Variants in ZSWIM6 observed in about 807,000 individuals in gnomAD.
ZSWIM6 encodes zinc finger SWIM-type containing 6.
Under a neutral mutation model 113.2 loss-of-function variants are expected in ZSWIM6, and 9 were observed. The ratio of observed to expected loss-of-function variants is 0.08; its 90% CI spans 0.05 to 0.14. ZSWIM6 has a LOEUF of 0.14. Ranked by LOEUF, ZSWIM6 falls within the 10% of genes least tolerant of loss-of-function variation. The pLI, the probability that ZSWIM6 is intolerant of heterozygous loss-of-function variation, is 1.00. For missense variants in ZSWIM6, 1,162 were observed against 1,552.2 expected, an observed-to-expected ratio of 0.75 and a Z score of 4.22; for synonymous variants, 611 against 606.5, an observed-to-expected ratio of 1.01 and a Z score of -0.11.
intron 1 of ZSWIM6, among the ~76,000 whole-genome samples, chr5:61,458,917 C>T (rs1342270662): frequency 6.6e-6 from 1 of 151,372 alleles, no homozygotes; most frequent in Non-Finnish European, 1.5e-5. Context: ...GCCAAAGACT[C>T]GAGGTAAACA....
At chr5:61,407,152 A>T (rs550251344) in intron 1 of ZSWIM6, among the ~76,000 whole-genome samples, 1 of 152,214 alleles carries the variant, frequency 6.6e-6, no homozygotes, top group Admixed American at 6.5e-5. Flanking sequence ...TAAAATTAAC[A>T]CTGGTGTAAG....
rs1459362601 is a variant in ZSWIM6, at chr5:61,538,248, C to A, written c.2382-566C>A. ...GTAGAACATAGTCTAATGTCAAATT[C>A]CTGGAGTCATAAGAAACTAATTGTT... On this transcript the variant is annotated intron_variant, in intron 10 of 13. Transcript: ENST00000252744. Among the ~76,000 whole-genome samples, 6 of 152,138 alleles carry A rather than the reference C, an allele frequency of 3.9e-5. No individual in the cohort carries two copies. In the East Asian group the frequency reaches 9.6e-4, roughly 24 times the overall value.
intron 1 of ZSWIM6, among the ~76,000 whole-genome samples, chr5:61,407,217 T>C (rs2112109326): frequency 6.6e-6 from 1 of 152,278 alleles, no homozygotes; most frequent in African/African-American, 2.4e-5. Flanking sequence ...TTATTGAATA[T>C]GATAAAGGTA....
At chr5:61,386,267 T>C (rs919893342) in intron 1 of ZSWIM6, among the ~76,000 whole-genome samples, 6 of 152,310 alleles carry the variant, frequency 3.9e-5, no homozygotes, top group African/African-American at 1.4e-4. Context: ...CTCTTCCTGC[T>C]TCTGAGTTAT....
intron 1 of ZSWIM6, among the ~76,000 whole-genome samples, chr5:61,427,156 T>C (rs1297709853): frequency 1.3e-5 from 2 of 152,236 alleles, no homozygotes; most frequent in Non-Finnish European, 2.9e-5. Context: ...TTAAATAGCC[T>C]ACATTTTAAA....
intron 3 of ZSWIM6, 117 bp downstream of exon 3, chr5:61,491,051 A>G: frequency 3.8e-6 from 4 of 1,040,244 alleles, no homozygotes; most frequent in Non-Finnish European, 5.2e-6. Context: ...ACAGGGTCTT[A>G]GCTGACCAAT....
chr5:61,412,905 G>A (rs1579983109), intron 1 of ZSWIM6, among the ~76,000 whole-genome samples: 1 of 151,824 alleles, frequency 6.6e-6, no homozygotes, highest in African/African-American at 2.4e-5. Flanking sequence ...CAGACTTAAA[G>A]TCAGTTGCTG....
intron 1 of ZSWIM6, among the ~76,000 whole-genome samples, chr5:61,443,993 A>G (rs1746891919): frequency 6.6e-6 from 1 of 151,938 alleles, no homozygotes; most frequent in South Asian, 2.1e-4. Context: ...CGTGTGCACA[A>G]TGTGCAGGTT....
intron 1 of ZSWIM6, among the ~76,000 whole-genome samples, chr5:61,419,964 A>G (rs867350324): frequency 9.9e-5 from 15 of 152,252 alleles, no homozygotes; most frequent in African/African-American, 3.6e-4. Context: ...TACTAGAAAC[A>G]TGGATTTGGG....
At chr5:61,417,349 G>A (rs188333103) in intron 1 of ZSWIM6, among the ~76,000 whole-genome samples, 22 of 152,252 alleles carry the variant, frequency 1.4e-4, no homozygotes, top group African/African-American at 5.3e-4. Flanking sequence ...TCACTCAAGC[G>A]TGCCAACTAA....
intron 1 of ZSWIM6, among the ~76,000 whole-genome samples, chr5:61,345,107 G>A (rs942859968): frequency 6.6e-6 from 1 of 152,008 alleles, no homozygotes; most frequent in South Asian, 2.1e-4. Context: ...ACTATGCCTC[G>A]GGGGTTCTTA....
In ZSWIM6 at chr5:61,523,328, A is replaced by G. The variant is rs995907846; in HGVS notation, c.1513+1886A>G. Among the ~76,000 whole-genome samples the G allele has an allele frequency of 4.6e-5, 7 of 152,350 alleles. No homozygotes were observed. The East Asian group carries it at 9.6e-4, about 21-fold the overall frequency. On this transcript the variant is annotated intron_variant, in intron 5 of 13. Transcript: ENST00000252744. ...TTCTTGTGTTTACACATTAGAGTGC[A>G]TGTGAAGGGCTTATCCAGGCTCTGC...
intron 1 of ZSWIM6, among the ~76,000 whole-genome samples, chr5:61,342,357 G>C: frequency 6.6e-6 from 1 of 152,152 alleles, no homozygotes; most frequent in East Asian, 1.9e-4. Flanking sequence ...GAAGAAGTGA[G>C]TAAGACCTAC....
intron 2 of ZSWIM6, among the ~76,000 whole-genome samples, chr5:61,487,192 A>G (rs1748040462): frequency 6.6e-6 from 1 of 152,090 alleles, no homozygotes; most frequent in South Asian, 2.1e-4. Context: ...GCGGATGATC[A>G]GTTCGTTGTA....
rs181446955 is a variant in ZSWIM6, at chr5:61,470,005, C to T, written c.677-2676C>T. Among the ~76,000 whole-genome samples the T allele has an allele frequency of 3.2e-3, 480 of 152,302 alleles. 1 individual carries two copies. Among genetic ancestry groups the T allele is most frequent in the South Asian group, 0.021 (100 of 4,826 alleles). ...TACAGGCATGAGCCACCACTCCTGG[C>T]CAATAGTTAAATCAGTCTTTTTTGA... On this transcript the variant is annotated intron_variant, in intron 1 of 13. Transcript: ENST00000252744.
intron 1 of ZSWIM6, among the ~76,000 whole-genome samples, chr5:61,343,747 T>C (rs1744595557): frequency 6.6e-6 from 1 of 152,218 alleles, no homozygotes; most frequent in Non-Finnish European, 1.5e-5. Context: ...TAAAATAAGA[T>C]TCTAAAACCC....
intron 7 of ZSWIM6, among the ~76,000 whole-genome samples, chr5:61,526,899 AT>A (rs1415609552): frequency 6.6e-6 from 1 of 152,200 alleles, no homozygotes; most frequent in Non-Finnish European, 1.5e-5. Context: ...AACCAAGTTA[AT>A]TTCTGTAAAG....
rs1244058682 is a variant in ZSWIM6 at position 61,521,243 on chromosome 5, C to T, written c.1334-20C>T. 1 of 1,283,602 alleles carries T rather than the reference C, an allele frequency of 7.8e-7. No homozygotes were observed. Among genetic ancestry groups the T allele is most frequent in the East Asian group, 3.1e-5 (1 of 31,926 alleles). 79.5% of individuals were successfully genotyped at this position (1,283,602 alleles called of 1,614,324 possible). A position where few individuals can be genotyped will look rare whatever the true frequency, so the allele number is the denominator to read the frequency against. Reference sequence around the variant, plus strand: ...TTTATAATTTTTGAACATTTATTTTCCTTTCCTCCTTTAAATTAGGTGCTC... The same window carrying T: ...TTTATAATTTTTGAACATTTATTTTTCTTTCCTCCTTTAAATTAGGTGCTC... On this transcript the variant is annotated intron_variant, in intron 4 of 13. Coordinates refer to ENST00000252744, the MANE Select transcript of ZSWIM6 (RefSeq NM_020928.2).
chr5:61,524,071 T>C (rs1233846089), intron 5 of ZSWIM6, among the ~76,000 whole-genome samples: 1 of 152,246 alleles, frequency 6.6e-6, no homozygotes, highest in Non-Finnish European at 1.5e-5. Context: ...GTTTCTATGA[T>C]TTCAGCTTAA....
Sources: allele counts gnomAD v4.1 joint callset (sites outside exome capture counted in the v4.1 genomes callset), GRCh38; gene constraint gnomAD v4.1.1; transcripts MANE v1.5; gene names NCBI Gene and HGNC (gene_info 2026-07-23, HGNC 2026-07-21).